Variants in COL27A1 observed in about 807,000 individuals in gnomAD.
COL27A1 encodes collagen alpha-1(XXVII) chain.
Under a neutral mutation model 251.3 loss-of-function variants are expected in COL27A1, and 106 were observed. That is an observed-to-expected ratio of 0.42 (90% CI 0.36 to 0.50). COL27A1 has a LOEUF of 0.50. Ranked by LOEUF, COL27A1 falls within the 20% of genes least tolerant of loss-of-function variation. The pLI, the probability that COL27A1 is intolerant of heterozygous loss-of-function variation, is 0.00. For synonymous variants in COL27A1, 1,000 were observed against 986.3 expected (o/e 1.01, Z -0.26); for missense variants, 2,325 against 2,522.8 (o/e 0.92, Z 1.68).
intron 59 of COL27A1, among the ~76,000 whole-genome samples, chr9:114,308,686 G>A (rs1258935693): frequency 2.0e-5 from 3 of 152,204 alleles, no homozygotes; most frequent in Admixed American, 6.5e-5. Context: ...TGGAGTTGGC[G>A]CCTGGGTTGG....
Position 114,289,232 on chromosome 9 carries a change from T to A in COL27A1, c.4153-10T>A. The stretch of plus-strand genomic sequence containing the variant: ...GGGGCTGCCTTGCGTCATCTCACCT[T>A]GGTTTGCAGGGGCATCCGGGACCCC... On this transcript the variant is annotated splice_polypyrimidine_tract_variant and intron_variant, in intron 44 of 60. Transcript: ENST00000356083. 3 of 1,587,692 alleles carry A rather than the reference T, an allele frequency of 1.9e-6. No individual in the cohort carries two copies. Among genetic ancestry groups the A allele is most frequent in the Non-Finnish European group, 2.6e-6 (3 of 1,167,982 alleles).
intron 4 of COL27A1, among the ~76,000 whole-genome samples, chr9:114,180,256 T>C (rs1235262713): frequency 6.6e-6 from 1 of 152,218 alleles, no homozygotes; most frequent in East Asian, 1.9e-4. Context: ...CAGAGCACCC[T>C]GCGTGCTGGA....
At position 114,288,481 on chromosome 9, in the gene COL27A1, T is replaced by C; in HGVS notation, c.4014T>C (p.Ala1338=). The change falls in exon 42 of 61, where the codon GCT becomes GCC. Residue 1338 remains alanine (A), a synonymous_variant. Coordinates refer to ENST00000356083, the MANE Select transcript of COL27A1 (RefSeq NM_032888.4). The stretch of plus-strand genomic sequence containing the variant: ...GGGAGCAGGGCGAGGACGGCAAGGC[T>C]GAGGGGCCCCCTGGGCCACCTGGAG... ...EKGEQGEDGK[A]EGPPGPPGDR... 1 of 1,609,878 alleles carries C rather than the reference T, an allele frequency of 6.2e-7. No individual in the cohort carries two copies. The highest frequency in any genetic ancestry group is 8.5e-7 in the Non-Finnish European group (1 of 1,178,838).
chr9:114,301,491 G>T, intron 54 of COL27A1, 29 bp downstream of exon 54: 2 of 1,601,090 alleles, frequency 1.2e-6, no homozygotes, highest in Non-Finnish European at 1.7e-6. Flanking sequence ...AGGGCTGTGG[G>T]GCGGGGCGTG....
chr9:114,300,744 C>T, intron 51 of COL27A1, 57 bp downstream of exon 51: 1 of 1,388,816 alleles, frequency 7.2e-7, no homozygotes, highest in Non-Finnish European at 9.6e-7. Context: ...CAAGGTTGGC[C>T]AGCCATCAGC....
Position 114,309,328 on chromosome 9 carries a change from C to T in COL27A1, c.5286C>T (p.His1762=). The stretch of plus-strand genomic sequence containing the variant: ...TGCTAAGCTCCGAGGTGACCCAGCA[C>T]ATCACCATCCACTGCCTTAACATGA... ...LHLLSSEVTQ[H]ITIHCLNMTV... Residue 1762 remains histidine, a synonymous_variant, in exon 60 of 61, where the codon CAC becomes CAT. Transcript: ENST00000356083. The T allele has an allele frequency of 6.2e-7, 1 of 1,614,196 alleles. No individual in the cohort carries two copies. The highest frequency in any genetic ancestry group is 8.5e-7 in the Non-Finnish European group (1 of 1,180,038).
intron 23 of COL27A1, among the ~76,000 whole-genome samples, chr9:114,245,646 A>C (rs1833081214): frequency 6.6e-6 from 1 of 152,196 alleles, no homozygotes; most frequent in East Asian, 1.9e-4. Flanking sequence ...AGGCCCCCTC[A>C]GAGGGAATGG....
At chr9:114,235,451 C>G (rs1373629765) in intron 16 of COL27A1, 148 bp from the exon 17 acceptor site, 3 of 737,320 alleles carry the variant, frequency 4.1e-6, no homozygotes, top group South Asian at 3.0e-5. Context: ...GCCAGGGGCC[C>G]GTCCTTTCCT....
At chr9:114,302,356 C>T (rs1349591759) in intron 56 of COL27A1, among the ~76,000 whole-genome samples, 4 of 152,144 alleles carry the variant, frequency 2.6e-5, no homozygotes, top group East Asian at 3.9e-4. Flanking sequence ...CTCCAGCCAC[C>T]GGGTTCATGG....
chr9:114,280,904 ACCC>A (rs1835860832), intron 37 of COL27A1, among the ~76,000 whole-genome samples: 1 of 152,182 alleles, frequency 6.6e-6, no homozygotes, highest in African/African-American at 2.4e-5. Context: ...TGCGCTGGCC[ACCC>A]TAGAGAACAT....
In COL27A1 at chr9:114,237,026, G is replaced by A; in HGVS notation, c.2665G>A (p.Gly889Arg). 2 of 1,608,860 alleles carry A rather than the reference G, an allele frequency of 1.2e-6. No homozygotes were observed. The highest frequency in any genetic ancestry group is 1.7e-6 in the Non-Finnish European group (2 of 1,177,588). ...GTTCCCCGGTGCACGGGGGAAGCCA[G>A]GGCCTCTGGTAAGTACCTGCTCCTC... ...PGFPGARGKP[G>R]PLGKVGDKGS... The change falls in exon 18 of 61, where the codon GGG becomes AGG. Residue 889 changes from glycine (G) to arginine (R), a missense_variant. By Grantham distance (125) the Gly-to-Arg change is moderately radical. Around this residue, in one of 4 missense-constraint regions of COL27A1, gnomAD observed 662 missense variants for 795.3 expected, o/e 0.83. Transcript: ENST00000356083.
At chr9:114,209,800 C>T in intron 11 of COL27A1, 72 bp downstream of exon 11, 1 of 1,441,910 alleles carries the variant, frequency 6.9e-7, no homozygotes, top group South Asian at 1.1e-5. Context: ...CTGCCAGGCA[C>T]CAGCCTGGGG....
Position 114,288,718 on chromosome 9 carries a change from G to A in COL27A1, c.4061G>A (p.Arg1354Gln), listed in dbSNP as rs10982134. ...PPGDRGPVGD[R>Q]GDRGEPGDPG... ...GTCATTCAGGGCCCTGTGGGTGATC[G>A]AGGAGACCGCGGGGAACCGGGAGAC... The change falls in exon 43 of 61, where the codon CGA (arginine) becomes CAA (glutamine). Residue 1354 changes from arginine to glutamine, a missense_variant. By Grantham distance (43) the Arg-to-Gln change is conservative (BLOSUM62 1). Coordinates refer to ENST00000356083, the MANE Select transcript of COL27A1 (RefSeq NM_032888.4). 547,491 of 1,608,642 alleles carry A rather than the reference G, an allele frequency of 0.34. 98,447 individuals carry two copies. The highest frequency in any genetic ancestry group is 0.6 in the East Asian group (26,907 of 44,660).
chr9:114,157,360 G>A (rs1247461034), intron 1 of COL27A1, among the ~76,000 whole-genome samples: 2 of 151,676 alleles, frequency 1.3e-5, no homozygotes, highest in Non-Finnish European at 2.9e-5. Flanking sequence ...CTGCTCTCCA[G>A]CATGCCTCTG....
intron 17 of COL27A1, 27 bp from the exon 18 acceptor site, chr9:114,236,954 C>T (rs1215746449): frequency 1.2e-6 from 2 of 1,612,858 alleles, no homozygotes; most frequent in Non-Finnish European, 1.7e-6. Flanking sequence ...TCCTCACTAA[C>T]CCCAGCCTGC....
intron 4 of COL27A1, among the ~76,000 whole-genome samples, chr9:114,181,143 C>T (rs562243792): frequency 8.5e-5 from 13 of 152,302 alleles, no homozygotes; most frequent in African/African-American, 2.6e-4. Flanking sequence ...GTCCCAGTCA[C>T]TTACAGAACA....
At chr9:114,191,255 T>G (rs1208377738) in intron 5 of COL27A1, among the ~76,000 whole-genome samples, 1 of 152,214 alleles carries the variant, frequency 6.6e-6, no homozygotes, top group East Asian at 1.9e-4. Flanking sequence ...TTTCTTTTTT[T>G]TAATTTTTAA....
At position 114,274,482 on chromosome 9, in the gene COL27A1, A is replaced by G. The variant is rs574405215; in HGVS notation, c.3610-1179A>G. ...GGGACTAAAAGCGGACCAGCCTTAG[A>G]AAGCTTTTGTGGGGATTAAGTCAGT... is the stretch of plus-strand genomic sequence containing the variant. On this transcript the variant is annotated intron_variant, in intron 36 of 60. Coordinates refer to ENST00000356083, the MANE Select transcript of COL27A1 (RefSeq NM_032888.4). Among the ~76,000 whole-genome samples, 3 of 152,306 alleles carry G rather than the reference A, an allele frequency of 2.0e-5. No individual in the cohort carries two copies. The East Asian group carries it at 5.8e-4, about 29-fold the overall frequency.
intron 11 of COL27A1, 86 bp from the exon 12 acceptor site, chr9:114,210,896 G>A (rs554281420): frequency 2.0e-5 from 28 of 1,387,092 alleles, no homozygotes; most frequent in African/African-American, 1.0e-4. Flanking sequence ...ACTTCCTGCC[G>A]TGGGTGGCTC....
Sources: gnomAD v4.1 joint callset for allele counts (sites outside exome capture counted in the v4.1 genomes callset) on GRCh38, gnomAD v4.1.1 for gene constraint, gnomAD v4.1.1 regional missense constraint, MANE v1.5 for transcripts, NCBI Gene and HGNC (gene_info 2026-07-23, HGNC 2026-07-21) for gene names.